The following STT3B variants were observed in gnomAD, a reference collection of about 807,000 sequenced individuals.
STT3B encodes STT3 oligosaccharyltransferase complex catalytic subunit B.
Under a neutral mutation model 96.8 loss-of-function variants are expected in STT3B, and 29 were observed. That is an observed-to-expected ratio of 0.30 (90% CI 0.22 to 0.41). The LOEUF (loss-of-function observed/expected upper bound fraction) is 0.41. Ranked by LOEUF, STT3B falls within the 10% of genes least tolerant of loss-of-function variation. The pLI is 1.00. For missense variants in STT3B, 640 were observed against 1,022.3 expected, an observed-to-expected ratio of 0.63 and a Z score of 5.10; for synonymous variants, 367 against 360.0, an observed-to-expected ratio of 1.02 and a Z score of -0.22.
At chr3:31,631,635 G>C (rs1030216195) in intron 14 of STT3B, among the ~76,000 whole-genome samples, 94 of 152,236 alleles carry the variant, frequency 6.2e-4, no homozygotes, top group Non-Finnish European at 1.5e-4. Flanking sequence ...AAGGAGAGCT[G>C]GTTTTCATGT....
chr3:31,592,555 C>A (rs1698690243), intron 3 of STT3B, among the ~76,000 whole-genome samples: 1 of 152,162 alleles, frequency 6.6e-6, no homozygotes. Context: ...CCCACCGACA[C>A]TGCACAAAGG....
intron 3 of STT3B, among the ~76,000 whole-genome samples, chr3:31,595,813 G>C (rs907190686): frequency 3.9e-5 from 6 of 152,164 alleles, no homozygotes; most frequent in Non-Finnish European, 8.8e-5. Flanking sequence ...GTGATTGATT[G>C]GATGCCTTGC....
intron 1 of STT3B, among the ~76,000 whole-genome samples, chr3:31,547,369 C>T (rs1007407890): frequency 6.6e-6 from 1 of 152,126 alleles, no homozygotes; most frequent in Non-Finnish European, 1.5e-5. Flanking sequence ...TTAAAAAGAA[C>T]ATTGCAGGTC....
intron 1 of STT3B, among the ~76,000 whole-genome samples, chr3:31,539,231 C>T (rs554044196): frequency 4.6e-4 from 70 of 152,220 alleles, no homozygotes; most frequent in African/African-American, 1.7e-3. Context: ...AATCTCTAAA[C>T]AATTGTGACT....
At chr3:31,556,031 A>C (rs140991838) in intron 1 of STT3B, among the ~76,000 whole-genome samples, 1 of 151,714 alleles carries the variant, frequency 6.6e-6, no homozygotes, top group African/African-American at 2.4e-5. Context: ...CCATTGACCA[A>C]TCTCTCTTCA....
rs150935284 is a variant in STT3B at position 31,608,135 on chromosome 3, T to C, written c.878-6970T>C. Among the ~76,000 whole-genome samples the C allele has an allele frequency of 2.1e-3, 324 of 152,300 alleles. 2 individuals are homozygous for C. The highest frequency in any genetic ancestry group is 4.1e-3 in the Admixed American group (63 of 15,296). On this transcript the variant is annotated intron_variant, in intron 5 of 15. Transcript: ENST00000295770. Reference sequence around the variant, plus strand: ...TATTATTTGCATTAATTGTTTTGCCTTTACTGTTTATTGTACCTTCAAGGT... The same window carrying C: ...TATTATTTGCATTAATTGTTTTGCCCTTACTGTTTATTGTACCTTCAAGGT...
At chr3:31,632,610 G>C (rs1352624934) in intron 14 of STT3B, among the ~76,000 whole-genome samples, 2 of 151,190 alleles carry the variant, frequency 1.3e-5, no homozygotes, top group Non-Finnish European at 2.9e-5. Flanking sequence ...CCTTGGGTGT[G>C]TTCTGTCTGT....
intron 1 of STT3B, among the ~76,000 whole-genome samples, chr3:31,559,330 G>T (rs576491329): frequency 7.5e-6 from 1 of 132,792 alleles, no homozygotes; most frequent in African/African-American, 3.1e-5. Context: ...TTTTATGTAG[G>T]TGTTGTTTAT....
intron 1 of STT3B, among the ~76,000 whole-genome samples, chr3:31,560,327 TTGTG>T (rs1030846101): frequency 1.6e-4 from 25 of 152,184 alleles, no homozygotes; most frequent in African/African-American, 5.8e-4. Context: ...AGTCTTTTCT[TTGTG>T]TGTGTGTTGC....
At chr3:31,538,646 C>A (rs568857531) in intron 1 of STT3B, among the ~76,000 whole-genome samples, 1 of 152,208 alleles carries the variant, frequency 6.6e-6, no homozygotes, top group South Asian at 2.1e-4. Context: ...GCAACAGTGA[C>A]TTCTGTAAAT....
chr3:31,636,173 TC>T lies in STT3B; in HGVS notation c.*111del, dbSNP rs1699751601. On this transcript the variant is annotated 3_prime_UTR_variant, in exon 16 of 16. Coordinates refer to ENST00000295770, the MANE Select transcript of STT3B (RefSeq NM_178862.3). ...AAAGAGGGTACAGAACCATCACTGG[TC>T]CAGGTTAATGTACAAAATTTTCTGG... is the stretch of plus-strand genomic sequence containing the variant. The T allele has an allele frequency of 5.2e-6, 4 of 769,814 alleles. No individual in the cohort carries two copies. The highest frequency in any genetic ancestry group is 7.8e-6 in the Non-Finnish European group (4 of 510,676). 47.7% of individuals were successfully genotyped at this position (769,814 alleles called of 1,614,324 possible). A position where few individuals can be genotyped will look rare whatever the true frequency, so the allele number is the denominator to read the frequency against.
chr3:31,608,872 T>A (rs891980449), intron 5 of STT3B, among the ~76,000 whole-genome samples: 1 of 152,146 alleles, frequency 6.6e-6, no homozygotes, highest in East Asian at 1.9e-4. Flanking sequence ...ATCCCAGCAC[T>A]TTGGGAGGCT....
At chr3:31,559,206 G>C (rs1177992056) in intron 1 of STT3B, among the ~76,000 whole-genome samples, 2 of 135,976 alleles carry the variant, frequency 1.5e-5, no homozygotes, top group Non-Finnish European at 3.2e-5. Context: ...CTTTCATTTA[G>C]TTCTGCTCTG....
At chr3:31,602,824 C>G (rs10460993) in intron 5 of STT3B, among the ~76,000 whole-genome samples, 6,628 of 152,014 alleles carry the variant, frequency 0.044, 372 homozygotes, top group East Asian at 0.32. Context: ...CCACTCTACC[C>G]AACTTGTTTC....
chr3:31,590,133 T>G (rs957549551), intron 3 of STT3B, among the ~76,000 whole-genome samples: 3 of 152,002 alleles, frequency 2.0e-5, no homozygotes, highest in Admixed American at 2.0e-4. Flanking sequence ...CAGAAATTGT[T>G]CATAATATTT....
At chr3:31,593,214 G>T (rs1698704925) in intron 3 of STT3B, among the ~76,000 whole-genome samples, 1 of 152,134 alleles carries the variant, frequency 6.6e-6, no homozygotes, top group South Asian at 2.1e-4. Context: ...TACTTTTAAT[G>T]ATACTTTGCT....
intron 3 of STT3B, among the ~76,000 whole-genome samples, chr3:31,582,042 C>T (rs1299422573): frequency 6.6e-6 from 1 of 152,096 alleles, no homozygotes; most frequent in Non-Finnish European, 1.5e-5. Context: ...GTAGTAATGT[C>T]CCGCTTTCTG....
intron 15 of STT3B, among the ~76,000 whole-genome samples, chr3:31,633,352 T>C (rs1699700454): frequency 6.6e-6 from 1 of 152,200 alleles, no homozygotes; most frequent in South Asian, 2.1e-4. Flanking sequence ...CTGAGATTTT[T>C]CCAGAGGCCT....
intron 3 of STT3B, among the ~76,000 whole-genome samples, chr3:31,585,336 T>G (rs1698513197): frequency 6.6e-6 from 1 of 152,126 alleles, no homozygotes; most frequent in Admixed American, 6.5e-5. Context: ...ATCCCCACCC[T>G]GTGCCTGTTC....
Sources: allele counts gnomAD v4.1 joint callset (sites outside exome capture counted in the v4.1 genomes callset), GRCh38; gene constraint gnomAD v4.1.1; transcripts MANE v1.5; gene names NCBI Gene and HGNC (gene_info 2026-07-23, HGNC 2026-07-21).